Variants in CYRIB observed in about 807,000 individuals in gnomAD.
The protein encoded by CYRIB is CYFIP-related Rac1 interactor B.
In CYRIB, 8 loss-of-function variants were observed where a neutral mutation model predicts 44.2. That is an observed-to-expected ratio of 0.18 (90% CI 0.11 to 0.33). The LOEUF (loss-of-function observed/expected upper bound fraction) is 0.33, where lower values mean the gene tolerates loss of function less well. Among genes scored for constraint, CYRIB ranks in the 10% least tolerant of loss-of-function variants. The pLI, the probability that CYRIB is intolerant of heterozygous loss-of-function variation, is 1.00. For missense variants in CYRIB, 185 were observed against 382.8 expected (o/e 0.48, Z 4.31); for synonymous variants, 131 against 127.2 (o/e 1.03, Z -0.20).
At position 129,932,955 on chromosome 8, in the gene CYRIB, C is replaced by G. The variant is rs77586707; in HGVS notation, c.-50+6653G>C. On this transcript the variant is annotated intron_variant, in intron 1 of 11. Coordinates refer to ENST00000519824, the Ensembl canonical transcript of CYRIB. ...AGAAGTGAGGCTGAAATTAGCCACC[C>G]AAATGGTGGGTTGGTAGTTGTTCAC... 8.7e-3 allele frequency among the ~76,000 whole-genome samples: 1,318 copies of G among 152,190 alleles called. 17 individuals are homozygous for G. Among genetic ancestry groups the G allele is most frequent in the African/African-American group, 0.03 (1,257 of 41,516 alleles).
At chr8:129,912,088 T>C (rs1266867231) in intron 1 of CYRIB, among the ~76,000 whole-genome samples, 2 of 152,224 alleles carry the variant, frequency 1.3e-5, no homozygotes, top group Non-Finnish European at 1.5e-5. Context: ...TTAGTGTTCA[T>C]TTAATCTACC....
At chr8:129,917,853 T>C (rs1046219457) in intron 1 of CYRIB, among the ~76,000 whole-genome samples, 1 of 152,106 alleles carries the variant, frequency 6.6e-6, no homozygotes, top group South Asian at 2.1e-4. Flanking sequence ...CGAGACACCA[T>C]CTCAAAAAAG....
At chr8:129,937,011 G>T (rs2092935751) in intron 1 of CYRIB, among the ~76,000 whole-genome samples, 1 of 152,088 alleles carries the variant, frequency 6.6e-6, no homozygotes, top group South Asian at 2.1e-4. Context: ...CCAGCCAGCA[G>T]TCTTAAAAAT....
exon 9 of CYRIB, chr8:129,850,854 T>C (rs771616756): frequency 6.2e-7 from 1 of 1,613,078 alleles, no homozygotes; most frequent in Non-Finnish European, 8.5e-7. Flanking sequence ...AGCATGACTC[T>C]GCATACACTA....
chr8:130,014,556 T>G (rs980561967), intron 1 of CYRIB, among the ~76,000 whole-genome samples: 1 of 152,106 alleles, frequency 6.6e-6, no homozygotes, highest in Non-Finnish European at 1.5e-5. Flanking sequence ...GGGACCCACA[T>G]AGCTAAGGAT....
exon 12 of CYRIB, chr8:129,839,606 A>T (rs1274485428): frequency 1.3e-5 from 2 of 152,224 alleles, no homozygotes; most frequent in Non-Finnish European, 2.9e-5. Flanking sequence ...GGTTCCAATA[A>T]AATTTTATTT....
In CYRIB at chr8:129,871,543, T is replaced by G. The variant is rs776408896; in HGVS notation, c.74-47A>C. 17 of 1,593,664 alleles carry G rather than the reference T, an allele frequency of 1.1e-5. No individual in the cohort carries two copies. The East Asian group carries it at 3.8e-4, about 36-fold the overall frequency. ...GAAAATTTACAGTGACATGAATTTT[T>G]TAAAATACATGTGTAACTCTAAGCA... On this transcript the variant is annotated intron_variant, in intron 3 of 11. Transcript: ENST00000519824.
At chr8:129,949,854 G>A (rs879565412) in intron 2 of CYRIB, among the ~76,000 whole-genome samples, 4 of 151,726 alleles carry the variant, frequency 2.6e-5, no homozygotes, top group South Asian at 2.1e-4. Context: ...CAAAAAGAGC[G>A]AAACTCCATC....
At chr8:129,883,094 C>CA (rs1229345076) in intron 2 of CYRIB, among the ~76,000 whole-genome samples, 3 of 103,188 alleles carry the variant, frequency 2.9e-5, no homozygotes, top group African/African-American at 1.2e-4. Context: ...GCCTAGGCAA[C>CA]AGAGCTAGAC....
At chr8:129,848,831 CA>C (rs1285428983) in intron 10 of CYRIB, among the ~76,000 whole-genome samples, 1 of 152,074 alleles carries the variant, frequency 6.6e-6, no homozygotes, top group Non-Finnish European at 1.5e-5. Context: ...TTCAGCCTGC[CA>C]AAGTGCTTGG....
chr8:129,985,490 T>C (rs1488561242), intron 1 of CYRIB, among the ~76,000 whole-genome samples: 12 of 152,134 alleles, frequency 7.9e-5, no homozygotes, highest in Non-Finnish European at 8.8e-5. Context: ...CTGGAGACAA[T>C]GGTGACCCAC....
At position 129,892,162 on chromosome 8, in the gene CYRIB, T is replaced by C. The variant is rs79005214; in HGVS notation, c.-11+11150A>G. On this transcript the variant is annotated intron_variant, in intron 2 of 11. Coordinates refer to ENST00000519824, the Ensembl canonical transcript of CYRIB. The stretch of plus-strand genomic sequence containing the variant: ...CAGAAACACATCCTGCTACAATGGT[T>C]TGCATCAAGTACAGACAAAGAGTAT... 1.5e-3 allele frequency among the ~76,000 whole-genome samples: 222 copies of C among 152,234 alleles called. 1 individual carries two copies. The highest frequency in any genetic ancestry group is 5.2e-3 in the African/African-American group (215 of 41,546).
At chr8:129,905,321 G>A (rs1013743280) in intron 1 of CYRIB, among the ~76,000 whole-genome samples, 1 of 152,060 alleles carries the variant, frequency 6.6e-6, no homozygotes, top group Non-Finnish European at 1.5e-5. Flanking sequence ...AGGTTCACGC[G>A]ATTTTCCTGT....
In CYRIB at chr8:129,994,269, T is replaced by TGG. The variant is rs397934244; in HGVS notation, c.-296+22099_-296+22100dup. The stretch of plus-strand genomic sequence containing the variant: ...AAGACTGCCCCAAAACTCCAGAAGC[T>TGG]GGGGGGGGTGGCATGGAACAGACTC... On this transcript the variant is annotated intron_variant, in intron 1 of 14. Transcript: ENST00000401979. 7.7e-3 allele frequency among the ~76,000 whole-genome samples: 1,164 copies of TGG among 150,850 alleles called. 23 individuals are homozygous for TGG. The highest frequency in any genetic ancestry group is 0.027 in the African/African-American group (1,101 of 41,114).
intron 1 of CYRIB, among the ~76,000 whole-genome samples, chr8:129,912,767 G>A (rs1454895987): frequency 6.6e-6 from 1 of 151,620 alleles, no homozygotes; most frequent in Non-Finnish European, 1.5e-5. Context: ...ATAATCAACA[G>A]GATGAACTAA....
chr8:129,920,287 C>A (rs1434096755), intron 1 of CYRIB, among the ~76,000 whole-genome samples: 3 of 152,034 alleles, frequency 2.0e-5, no homozygotes. Context: ...CCCAAGTGCT[C>A]ATTAGTAGCC....
intron 2 of CYRIB, among the ~76,000 whole-genome samples, chr8:129,896,108 A>C (rs1439351938): frequency 6.6e-6 from 1 of 152,250 alleles, no homozygotes; most frequent in African/African-American, 2.4e-5. Context: ...AGAAGTCTAC[A>C]TCTGTTTCAT....
chr8:129,943,086 A>AACCCCCCCCCCCCCCCCC (rs2093840896), upstream of CYRIB, among the ~76,000 whole-genome samples: 1 of 101,580 alleles, frequency 9.8e-6, no homozygotes, highest in Admixed American at 1.1e-4. Flanking sequence ...TGCACCGCCC[A>AACCCCCCCCCCCCCCCCC]CCCGCCCCCC....
chr8:129,846,399 G>A (rs2040020710), intron 11 of CYRIB, among the ~76,000 whole-genome samples: 1 of 152,154 alleles, frequency 6.6e-6, no homozygotes, highest in Admixed American at 6.6e-5. Context: ...AAAAACTCTG[G>A]AAGGCTATAT....
Sources: gnomAD v4.1 joint callset for allele counts (sites outside exome capture counted in the v4.1 genomes callset) on GRCh38, gnomAD v4.1.1 for gene constraint, MANE v1.5 for transcripts, NCBI Gene and HGNC (gene_info 2026-07-23, HGNC 2026-07-21) for gene names.